DCP2: variants seen among roughly 807,000 people sequenced by gnomAD.
DCP2 encodes the protein m7GpppN-mRNA hydrolase.
In DCP2, 30 loss-of-function variants were observed where a neutral mutation model predicts 56.1. The observed-to-expected ratio is 0.53, with a 90% CI of 0.40 to 0.73. The LOEUF (loss-of-function observed/expected upper bound fraction) is 0.73, where lower values mean the gene tolerates loss of function less well. Among genes scored for constraint, DCP2 ranks in the 30% least tolerant of loss-of-function variants. The pLI is 0.00. For missense variants in DCP2, 533 were observed against 502.7 expected (o/e 1.06, Z -0.58); for synonymous variants, 197 against 163.3 (o/e 1.21, Z -1.57).
chr5:112,981,709 T>G (rs1174584096), intron 1 of DCP2, among the ~76,000 whole-genome samples: 2 of 152,216 alleles, frequency 1.3e-5, no homozygotes, highest in Admixed American at 6.5e-5. Context: ...TGGTACCATT[T>G]AGTTTTTTCT....
At chr5:112,993,567 G>C (rs1420458959) in intron 4 of DCP2, among the ~76,000 whole-genome samples, 1 of 150,234 alleles carries the variant, frequency 6.7e-6, no homozygotes, top group Non-Finnish European at 1.5e-5. Context: ...CAGAGGTTGC[G>C]GTGAGCCGAG....
intron 8 of DCP2, 33 bp from the exon 9 acceptor site, chr5:113,007,905 A>C: frequency 6.4e-7 from 1 of 1,574,722 alleles, no homozygotes; most frequent in Non-Finnish European, 8.7e-7. Flanking sequence ...ATTATGCTAT[A>C]GATTCATATT....
Position 112,981,183 on chromosome 5 carries a change from A to AT in DCP2, c.53+4206dup, listed in dbSNP as rs574194836. Among the ~76,000 whole-genome samples, 57 of 151,206 alleles carry AT rather than the reference A, an allele frequency of 3.8e-4. 1 individual carries two copies. The highest frequency in any genetic ancestry group is 2.9e-3 in the South Asian group (14 of 4,758). Reference sequence around the variant, plus strand: ...ACCACCATGCCCAGGTATTAAATACATTTTTTTTTGGTAGAGATGGGATCT... The same window carrying AT: ...ACCACCATGCCCAGGTATTAAATACATTTTTTTTTTGGTAGAGATGGGATCT... On this transcript the variant is annotated intron_variant, in intron 1 of 10. Transcript: ENST00000389063.
At chr5:112,996,331 C>G (rs1274112290) in intron 4 of DCP2, among the ~76,000 whole-genome samples, 2 of 152,116 alleles carry the variant, frequency 1.3e-5, no homozygotes, top group African/African-American at 4.8e-5. Context: ...TTCATTTCCA[C>G]TTGTATTAAC....
intron 4 of DCP2, among the ~76,000 whole-genome samples, chr5:112,993,456 C>G (rs1287857971): frequency 1.3e-5 from 2 of 151,926 alleles, no homozygotes; most frequent in Admixed American, 1.3e-4. Flanking sequence ...GAAACCCCGT[C>G]TCTGCTAAAA....
At chr5:112,987,396 A>G (rs756673921) in intron 2 of DCP2, among the ~76,000 whole-genome samples, 1 of 152,158 alleles carries the variant, frequency 6.6e-6, no homozygotes, top group East Asian at 1.9e-4. Context: ...ATATGAGGTG[A>G]TGATGGCATC....
chr5:113,014,687 G>C lies in DCP2; in HGVS notation c.*1203G>C, dbSNP rs1749811763. On this transcript the variant is annotated 3_prime_UTR_variant, in exon 11 of 11. Coordinates refer to ENST00000389063, the MANE Select transcript of DCP2 (RefSeq NM_152624.6). Reference sequence around the variant, plus strand: ...TGAGGACAATCACCAGGGCGTTAAGGGGGCTTTAGTGTTTTGGCTGCATCT... The same window carrying C: ...TGAGGACAATCACCAGGGCGTTAAGCGGGCTTTAGTGTTTTGGCTGCATCT... 6.6e-6 allele frequency: 1 copy of C among 152,602 alleles called. No homozygotes were observed. Among genetic ancestry groups the C allele is most frequent in the South Asian group, 2.1e-4 (1 of 4,828 alleles). 9.5% of individuals were successfully genotyped at this position (152,602 alleles called of 1,614,324 possible).
At chr5:112,980,764 T>A (rs1747968408) in intron 1 of DCP2, among the ~76,000 whole-genome samples, 1 of 152,342 alleles carries the variant, frequency 6.6e-6, no homozygotes, top group South Asian at 2.1e-4. Flanking sequence ...TTAGTTTCTT[T>A]CCCTACCCTT....
rs986238884 is a variant in DCP2, at chr5:113,015,043, A to C, written c.*1559A>C. The C allele has an allele frequency of 6.6e-6, 1 of 152,074 alleles. No homozygotes were observed. Among genetic ancestry groups the C allele is most frequent in the African/African-American group, 2.4e-5 (1 of 41,252 alleles). The allele number at this position is 152,074 out of a possible 1,614,324, so 9.4% of individuals were successfully genotyped here. ...TTTGGTGCTAAGCAGGAGAATTCAC[A>C]ATTAAAGCAGTGTGTATAGAATTAT... On this transcript the variant is annotated 3_prime_UTR_variant, in exon 11 of 11. Coordinates refer to ENST00000389063, the MANE Select transcript of DCP2 (RefSeq NM_152624.6).
intron 4 of DCP2, among the ~76,000 whole-genome samples, chr5:112,996,441 A>G (rs183707651): frequency 1.2e-3 from 177 of 152,268 alleles, no homozygotes; most frequent in Non-Finnish European, 1.6e-3. Context: ...ACATACATTT[A>G]AGTTCTACCA....
chr5:113,007,138 A>T (rs1749475692), intron 8 of DCP2, among the ~76,000 whole-genome samples: 1 of 152,154 alleles, frequency 6.6e-6, no homozygotes, highest in Non-Finnish European at 1.5e-5. Context: ...TTAAAAAAAA[A>T]ATAATAGTAA....
Position 113,007,933 on chromosome 5 carries a change from A to G in DCP2, c.943-5A>G, listed in dbSNP as rs1749515288. On this transcript the variant is annotated splice_polypyrimidine_tract_variant and splice_region_variant and intron_variant, in intron 8 of 10. Coordinates refer to ENST00000389063, the MANE Select transcript of DCP2 (RefSeq NM_152624.6). ...TTCATATTATATTTCTTTTTGGGAA[A>G]ACAGAATCAAAGTATGAGGGGAAAT... 3.7e-6 allele frequency: 6 copies of G among 1,611,596 alleles called. No homozygotes were observed. The highest frequency in any genetic ancestry group is 2.7e-5 in the African/African-American group (2 of 74,726).
At chr5:113,011,523 T>G (rs1749680507) in intron 10 of DCP2, among the ~76,000 whole-genome samples, 1 of 152,234 alleles carries the variant, frequency 6.6e-6, no homozygotes, top group South Asian at 2.1e-4. Context: ...ACTCATTTAT[T>G]CACCATCTAA....
At chr5:112,987,826 C>G (rs1048996391) in intron 2 of DCP2, among the ~76,000 whole-genome samples, 1 of 150,932 alleles carries the variant, frequency 6.6e-6, no homozygotes, top group Non-Finnish European at 1.5e-5. Flanking sequence ...GAGATAAGGT[C>G]TTGCCTTGTT....
At chr5:112,986,880 A>G (rs73229015) in intron 2 of DCP2, among the ~76,000 whole-genome samples, 40,752 of 151,938 alleles carry the variant, frequency 0.27, 7,286 homozygotes, top group African/African-American at 0.52. Flanking sequence ...GCACTCACCT[A>G]TGGTCCCATC....
At position 113,021,642 on chromosome 5, in the gene DCP2, G is replaced by T. The variant is rs1436718063; in HGVS notation, c.*8158G>T. Among the ~76,000 whole-genome samples, 6 of 152,076 alleles carry T rather than the reference G, an allele frequency of 3.9e-5. No homozygotes were observed. Among genetic ancestry groups the T allele is most frequent in the Non-Finnish European group, 8.8e-5 (6 of 68,030 alleles). ...TTTCCATTAGAGACCTCAGCTATATGATAGTAACTTTTATTTTAAATTCTC... is the reference window on the plus strand; with the variant it reads ...TTTCCATTAGAGACCTCAGCTATATTATAGTAACTTTTATTTTAAATTCTC... On this transcript the variant is annotated 3_prime_UTR_variant, in exon 11 of 11. Transcript: ENST00000389063.
At chr5:112,999,454 G>C (rs190235208) in intron 4 of DCP2, among the ~76,000 whole-genome samples, 1 of 151,534 alleles carries the variant, frequency 6.6e-6, no homozygotes, top group Non-Finnish European at 1.5e-5. Context: ...TCAGCCTTCC[G>C]AGTAGCTGGG....
rs1021439508 is a variant in DCP2, at chr5:113,015,125, G to C, written c.*1641G>C. The C allele has an allele frequency of 1.3e-5, 2 of 152,526 alleles. No homozygotes were observed. Among genetic ancestry groups the C allele is most frequent in the Non-Finnish European group, 2.9e-5 (2 of 68,006 alleles). The allele number at this position is 152,526 out of a possible 1,614,324, so 9.4% of individuals were successfully genotyped here. On this transcript the variant is annotated 3_prime_UTR_variant, in exon 11 of 11. Transcript: ENST00000389063. ...CAAATTTTTGAATCCTGTGACTTTTGCTTTTTAATGCATTATATGATTGTG... is the reference window on the plus strand; with the variant it reads ...CAAATTTTTGAATCCTGTGACTTTTCCTTTTTAATGCATTATATGATTGTG...
Position 113,001,389 on chromosome 5 carries a change from T to G in DCP2, c.618T>G (p.Pro206=), listed in dbSNP as rs1338025291. The G allele has an allele frequency of 1.9e-6, 3 of 1,613,634 alleles. No homozygotes were observed. Among genetic ancestry groups the G allele is most frequent in the South Asian group, 1.1e-5 (1 of 90,860 alleles). ...NIEWFSIEKL[P]CHRNDMTPKS... Reference sequence around the variant, plus strand: ...AGTGGTTCTCTATTGAGAAATTGCCTTGTCATAGAAATGATATGACCCCCA... The same window carrying G: ...AGTGGTTCTCTATTGAGAAATTGCCGTGTCATAGAAATGATATGACCCCCA... Residue 206 remains proline (P), a synonymous_variant, in exon 6 of 11, where the codon CCT becomes CCG. Coordinates refer to ENST00000389063, the MANE Select transcript of DCP2 (RefSeq NM_152624.6).
Sources: gnomAD v4.1 joint callset for allele counts (sites outside exome capture counted in the v4.1 genomes callset) on GRCh38, gnomAD v4.1.1 for gene constraint, MANE v1.5 for transcripts, NCBI Gene and HGNC (gene_info 2026-07-23, HGNC 2026-07-21) for gene names.